SGK1: variants seen among roughly 807,000 people sequenced by gnomAD.
SGK1 encodes serine/threonine-protein kinase Sgk1.
A neutral mutation model predicts 64.2 loss-of-function variants in SGK1; 26 were observed. That is an observed-to-expected ratio of 0.40 (90% confidence interval 0.30 to 0.56). The LOEUF is 0.56. Ranked by LOEUF, SGK1 falls within the 20% of genes least tolerant of loss-of-function variation. The pLI is 0.38. For missense variants in SGK1, 519 were observed against 645.6 expected (o/e 0.80, Z 2.12); for synonymous variants, 265 against 239.7 (o/e 1.11, Z -0.98).
chr6:134,281,510 C>G (rs1242403487), intron 1 of SGK1, among the ~76,000 whole-genome samples: 1 of 146,442 alleles, frequency 6.8e-6, no homozygotes, highest in African/African-American at 2.5e-5. Context: ...AACTGGCTAC[C>G]AATTTGTTCT....
chr6:134,177,865 C>T (rs749008400), intron 3 of SGK1: 1 of 1,572,864 alleles, frequency 6.4e-7, no homozygotes, highest in Non-Finnish European at 8.6e-7. Flanking sequence ...CTGTTATGAA[C>T]CCCACTTTAT....
At position 134,248,111 on chromosome 6, in the gene SGK1, G is replaced by A. The variant is rs900293001; in HGVS notation, c.285+13822C>T. Among the ~76,000 whole-genome samples, 6 of 152,084 alleles carry A rather than the reference G, an allele frequency of 3.9e-5. No homozygotes were observed. The East Asian group carries it at 5.8e-4, about 15-fold the overall frequency. ...CAGAAAAAAACACTTGTTCACATAA[G>A]CTATTTTTTTCCCTCGTGTGTATCA... On this transcript the variant is annotated intron_variant, in intron 2 of 13. Coordinates refer to ENST00000367858, the MANE Select transcript of SGK1 (RefSeq NM_001143676.3).
chr6:134,256,998 C>A (rs2327500), intron 2 of SGK1: 82,014 of 150,370 alleles, frequency 0.55, 22,811 homozygotes, highest in South Asian at 0.66. Flanking sequence ...TAAAGTTGAA[C>A]AAAACAACAA....
chr6:134,246,577 GTTTGTA>G (rs1367781967), intron 2 of SGK1, among the ~76,000 whole-genome samples: 2 of 152,148 alleles, frequency 1.3e-5, no homozygotes, highest in African/African-American at 4.8e-5. Context: ...ACCCTGTTAA[GTTTGTA>G]TTTGTATTTG....
Position 134,294,360 on chromosome 6 carries a change from A to G in SGK1, c.69+23032T>C, listed in dbSNP as rs569442213. On this transcript the variant is annotated intron_variant, in intron 1 of 13. Coordinates refer to ENST00000367858, the MANE Select transcript of SGK1 (RefSeq NM_001143676.3). ...CTCCAAAACTGTTTTCATCTTCCCA[A>G]ACTGAAGCTCCATACCCATGAAATA... 3.9e-5 allele frequency among the ~76,000 whole-genome samples: 6 copies of G among 152,084 alleles called. No homozygotes were observed. In the East Asian group the frequency reaches 9.7e-4, roughly 24 times the overall value.
chr6:134,263,265 C>T (rs1410840138), intron 1 of SGK1, among the ~76,000 whole-genome samples: 1 of 152,176 alleles, frequency 6.6e-6, no homozygotes, highest in Non-Finnish European at 1.5e-5. Flanking sequence ...GAGACAGGAT[C>T]TTCCTCTGTC....
At chr6:134,297,137 GC>G in intron 1 of SGK1, 1 of 570,568 alleles carries the variant, frequency 1.8e-6, no homozygotes, top group Non-Finnish European at 3.3e-6. Flanking sequence ...GACTTGTGAG[GC>G]CCCCATAGGC....
At chr6:134,304,494 A>T (rs1387387315) in intron 1 of SGK1, among the ~76,000 whole-genome samples, 2 of 152,194 alleles carry the variant, frequency 1.3e-5, no homozygotes, top group African/African-American at 2.4e-5. Context: ...TCTACTAAAG[A>T]TATAAAAGTT....
At chr6:134,213,615 A>AAAATAAAT (rs55961271) in intron 2 of SGK1, among the ~76,000 whole-genome samples, 1,547 of 122,978 alleles carry the variant, frequency 0.013, 70 homozygotes, top group South Asian at 0.021. Context: ...ACTCTGTCTC[A>AAAATAAAT]AAATAAATAA....
chr6:134,297,963 G>T, intron 1 of SGK1: 1 of 808,996 alleles, frequency 1.2e-6, no homozygotes, highest in Admixed American at 1.7e-5. Flanking sequence ...GTCCATGTCC[G>T]GGGAGCGGCT....
chr6:134,221,164 C>G (rs761408742), intron 2 of SGK1, among the ~76,000 whole-genome samples: 3 of 151,666 alleles, frequency 2.0e-5, no homozygotes, highest in African/African-American at 7.3e-5. Flanking sequence ...ATTAGCTGGG[C>G]GTGGTAGTGG....
chr6:134,261,902 G>T (rs1369772907), intron 2 of SGK1, 31 bp downstream of exon 2: 1 of 1,518,678 alleles, frequency 6.6e-7, no homozygotes. Context: ...ATTTTTCCAG[G>T]AGAATAGATC....
At chr6:134,235,962 C>T (rs946965909) in intron 2 of SGK1, among the ~76,000 whole-genome samples, 1 of 151,950 alleles carries the variant, frequency 6.6e-6, no homozygotes, top group African/African-American at 2.4e-5. Flanking sequence ...CAAACACAGC[C>T]TTAGGAAACG....
chr6:134,174,189 T>A, intron 4 of SGK1, 109 bp from the exon 5 acceptor site: 1 of 764,866 alleles, frequency 1.3e-6, no homozygotes, highest in Non-Finnish European at 2.2e-6. Flanking sequence ...TAATTCACTG[T>A]TTAAACTGAA....
In SGK1 at chr6:134,170,845, G is replaced by A; in HGVS notation, c.1394C>T (p.Pro465Leu). 1 of 1,605,488 alleles carries A rather than the reference G, an allele frequency of 6.2e-7. No individual in the cohort carries two copies. Among genetic ancestry groups the A allele is most frequent in the Non-Finnish European group, 8.5e-7 (1 of 1,172,190 alleles). ...WDDLINKKIT[P>L]PFNPNVSGPN... is the part of the protein sequence containing the mutation. The stretch of plus-strand genomic sequence containing the variant: ...ACTCACCACATTTGGGTTAAAAGGG[G>A]GAGTAATCTTCTTATTAATGAGATC... The change falls in exon 13 of 14, where the codon CCC (proline) becomes CTC (leucine). Residue 465 changes from proline (P) to leucine (L), a missense_variant. Pro to Leu is a moderately conservative substitution (Grantham distance 98). This residue lies in a region of SGK1 where 278 missense variants were observed against 408.7 expected (regional missense o/e 0.68). Transcript: ENST00000367858.
At chr6:134,224,670 C>G (rs1776140763) in intron 2 of SGK1, among the ~76,000 whole-genome samples, 1 of 152,150 alleles carries the variant, frequency 6.6e-6, no homozygotes, top group African/African-American at 2.4e-5. Flanking sequence ...AGTGTCCTTT[C>G]TCTTTACGTG....
At chr6:134,283,517 T>C (rs1172881448) in intron 1 of SGK1, among the ~76,000 whole-genome samples, 1 of 150,176 alleles carries the variant, frequency 6.7e-6, no homozygotes, top group African/African-American at 2.5e-5. Flanking sequence ...TAAATACATA[T>C]ACATATGAAG....
chr6:134,317,420 C>A lies in SGK1; in HGVS notation c.41G>T (p.Cys14Phe). Residue 14 changes from cysteine to phenylalanine, a missense_variant, in exon 1 of 14, where the codon TGC becomes TTC. By Grantham distance (205) the Cys-to-Phe change is radical. Around this residue, in one of 2 missense-constraint regions of SGK1, gnomAD observed 241 missense variants for 236.9 expected, o/e 1.02. Transcript: ENST00000367858. ...CTTCTTAAAAAATTGGAAGGCTGAG[C>A]ATTTCTTGACTGGGAATCCATTCAT... ...KDMNGFPVKK[C>F]SAFQFFKKRV... 6.2e-7 allele frequency: 1 copy of A among 1,610,054 alleles called. No individual in the cohort carries two copies. The highest frequency in any genetic ancestry group is 1.3e-5 in the African/African-American group (1 of 75,000).
chr6:134,196,970 C>A (rs1052720830), intron 3 of SGK1, among the ~76,000 whole-genome samples: 6 of 152,122 alleles, frequency 3.9e-5, no homozygotes, highest in Non-Finnish European at 8.8e-5. Flanking sequence ...CAGTGACTCA[C>A]GCCTATAATC....
Sources: allele counts gnomAD v4.1 joint callset (sites outside exome capture counted in the v4.1 genomes callset), GRCh38; gene constraint gnomAD v4.1.1; regional missense constraint gnomAD v4.1.1; transcripts MANE v1.5; gene names NCBI Gene and HGNC (gene_info 2026-07-23, HGNC 2026-07-21).